Variants in EYA2 observed in about 807,000 individuals in gnomAD.
EYA2 encodes protein phosphatase EYA2.
In EYA2, 31 loss-of-function variants were observed where a neutral mutation model predicts 69.2. The ratio of observed to expected loss-of-function variants is 0.45; its 90% CI spans 0.34 to 0.60. The LOEUF (loss-of-function observed/expected upper bound fraction) is 0.60. Among genes scored for constraint, EYA2 ranks in the 20% least tolerant of loss-of-function variants. The probability of loss-of-function intolerance (pLI) is 0.02; values close to 1 mark genes in which losing one functional copy is unlikely to be tolerated. For missense variants in EYA2, 622 were observed against 701.2 expected, an observed-to-expected ratio of 0.89 and a Z score of 1.28; for synonymous variants, 257 against 279.4, an observed-to-expected ratio of 0.92 and a Z score of 0.80.
At chr20:46,953,597 C>G (rs529428469) in intron 1 of EYA2, among the ~76,000 whole-genome samples, 3 of 152,114 alleles carry the variant, frequency 2.0e-5, no homozygotes, top group Non-Finnish European at 4.4e-5. Context: ...TTCCTTATGG[C>G]GCTGTCCTGT....
At chr20:47,143,209 G>T in intron 10 of EYA2, 61 bp downstream of exon 10, 2 of 1,349,490 alleles carry the variant, frequency 1.5e-6, no homozygotes, top group East Asian at 2.4e-5. Flanking sequence ...TCTAGTTTAT[G>T]GGAAGAAGGA....
intron 12 of EYA2, among the ~76,000 whole-genome samples, chr20:47,178,845 T>TGGATGGATGGATATTGGGG (rs2034477182): frequency 6.7e-6 from 1 of 149,648 alleles, no homozygotes; most frequent in Admixed American, 6.7e-5. Context: ...GGATATTGGG[T>TGGATGGATGGATATTGGGG]GGATGGATGG....
At chr20:46,973,968 T>C (rs539408264) in intron 1 of EYA2, among the ~76,000 whole-genome samples, 2 of 152,292 alleles carry the variant, frequency 1.3e-5, no homozygotes, top group Admixed American at 6.5e-5. Flanking sequence ...TTTTAAGACA[T>C]CTGCTGCTGT....
intron 9 of EYA2, among the ~76,000 whole-genome samples, chr20:47,112,861 C>CTTTTT (rs2032784362): frequency 1.4e-5 from 1 of 69,834 alleles, no homozygotes. Context: ...CATGTTCACT[C>CTTTTT]CTTTTTTTTT....
intron 5 of EYA2, among the ~76,000 whole-genome samples, chr20:47,017,398 T>A (rs1983475276): frequency 6.6e-6 from 1 of 152,212 alleles, no homozygotes; most frequent in South Asian, 2.1e-4. Context: ...CCTGAGTATC[T>A]AGGACCACAG....
chr20:47,062,983 G>C (rs933863565), intron 5 of EYA2, among the ~76,000 whole-genome samples: 2 of 152,152 alleles, frequency 1.3e-5, no homozygotes, highest in African/African-American at 4.8e-5. Flanking sequence ...CCTTTCTTTT[G>C]CTGCCAAAGC....
intron 5 of EYA2, chr20:47,071,856 G>A: frequency 3.8e-6 from 1 of 260,130 alleles, no homozygotes; most frequent in Non-Finnish European, 7.5e-6. Flanking sequence ...TTGGGTCTGG[G>A]CCGCCAACAT....
At chr20:47,054,103 T>G (rs1430077739) in intron 5 of EYA2, among the ~76,000 whole-genome samples, 1 of 147,438 alleles carries the variant, frequency 6.8e-6, no homozygotes, top group Non-Finnish European at 1.5e-5. Flanking sequence ...AAGAATTTGA[T>G]AAGTATAAGT....
At chr20:47,052,234 A>G (rs1428439702) in intron 5 of EYA2, among the ~76,000 whole-genome samples, 1 of 152,196 alleles carries the variant, frequency 6.6e-6, no homozygotes, top group Non-Finnish European at 1.5e-5. Flanking sequence ...AAGCTTTAGA[A>G]CCAGGGTCAT....
intron 7 of EYA2, among the ~76,000 whole-genome samples, chr20:47,075,010 C>T (rs1305341893): frequency 6.6e-6 from 1 of 152,230 alleles, no homozygotes; most frequent in Non-Finnish European, 1.5e-5. Flanking sequence ...ACTAGGGCGG[C>T]TGAGGTAGGA....
intron 1 of EYA2, among the ~76,000 whole-genome samples, chr20:46,895,711 C>T (rs540495365): frequency 2.6e-5 from 4 of 152,308 alleles, no homozygotes; most frequent in African/African-American, 9.6e-5. Flanking sequence ...GGAGGTTAAA[C>T]GGCCGTGCTG....
intron 1 of EYA2, among the ~76,000 whole-genome samples, chr20:46,898,695 C>T (rs1328188807): frequency 6.6e-6 from 1 of 152,202 alleles, no homozygotes; most frequent in Admixed American, 6.5e-5. Context: ...AACACCCCCT[C>T]CGTCAGGTGG....
chr20:47,176,999 C>T (rs2034439764), intron 12 of EYA2, among the ~76,000 whole-genome samples: 3 of 152,080 alleles, frequency 2.0e-5, no homozygotes, highest in African/African-American at 7.2e-5. Flanking sequence ...GATTTCACCA[C>T]GTTGGCCAGG....
At chr20:47,072,929 C>T (rs553555672) in intron 6 of EYA2, among the ~76,000 whole-genome samples, 69 of 152,258 alleles carry the variant, frequency 4.5e-4, no homozygotes, top group African/African-American at 1.4e-3. Flanking sequence ...CTGAGGAATA[C>T]GCAATTTCTT....
intron 14 of EYA2, 92 bp downstream of exon 14, chr20:47,181,028 C>T: frequency 6.6e-7 from 1 of 1,509,332 alleles, no homozygotes; most frequent in Non-Finnish European, 9.0e-7. Flanking sequence ...GAACATGACA[C>T]CACAGAAATG....
At chr20:47,150,138 A>G (rs2033794550) in intron 10 of EYA2, among the ~76,000 whole-genome samples, 2 of 152,194 alleles carry the variant, frequency 1.3e-5, no homozygotes, top group African/African-American at 4.8e-5. Context: ...CAATGGTCGC[A>G]CAGCAGTGGC....
intron 2 of EYA2, among the ~76,000 whole-genome samples, chr20:46,994,086 G>T (rs1382391279): frequency 6.6e-6 from 1 of 152,154 alleles, no homozygotes; most frequent in African/African-American, 2.4e-5. Context: ...AAGACAGAAT[G>T]GTGCTGAGGA....
chr20:47,008,155 C>T (rs1419420960), intron 4 of EYA2, among the ~76,000 whole-genome samples: 1 of 152,216 alleles, frequency 6.6e-6, no homozygotes, highest in Admixed American at 6.5e-5. Flanking sequence ...TAGTAATAGT[C>T]ACCATCGTTG....
intron 1 of EYA2, among the ~76,000 whole-genome samples, chr20:46,952,828 A>G (rs1174575244): frequency 2.0e-5 from 3 of 152,216 alleles, no homozygotes; most frequent in Non-Finnish European, 4.4e-5. Context: ...AGGGCACCCT[A>G]AGGATGCTTT....
Sources: gnomAD v4.1 joint callset for allele counts (sites outside exome capture counted in the v4.1 genomes callset) on GRCh38, gnomAD v4.1.1 for gene constraint, MANE v1.5 for transcripts, NCBI Gene and HGNC (gene_info 2026-07-23, HGNC 2026-07-21) for gene names.